The following NTN1 variants were observed in gnomAD, a reference collection of about 807,000 sequenced individuals.
NTN1 encodes the protein netrin-1.
In NTN1, 11 loss-of-function variants were observed where a neutral mutation model predicts 54.2. The ratio of observed to expected loss-of-function variants is 0.20; its 90% CI spans 0.13 to 0.34. NTN1 has a LOEUF of 0.34. NTN1 is among the 10% of genes least tolerant of loss of function. The pLI, the probability that NTN1 is intolerant of heterozygous loss-of-function variation, is 1.00. For missense variants in NTN1, 740 were observed against 893.1 expected (o/e 0.83, Z 2.18); for synonymous variants, 371 against 382.0 (o/e 0.97, Z 0.33).
intron 2 of NTN1, among the ~76,000 whole-genome samples, chr17:9,114,879 T>C (rs2092205471): frequency 6.6e-6 from 1 of 152,256 alleles, no homozygotes; most frequent in African/African-American, 2.4e-5. Flanking sequence ...CTGCAGAGTT[T>C]ATGAAACTGC....
intron 5 of NTN1, among the ~76,000 whole-genome samples, chr17:9,204,928 A>ATTTT (rs148063994): frequency 2.7e-5 from 4 of 145,524 alleles, no homozygotes; most frequent in Non-Finnish European, 1.5e-5. Flanking sequence ...GTCAACCCTC[A>ATTTT]TTTTTTTTTT....
intron 5 of NTN1, among the ~76,000 whole-genome samples, chr17:9,201,443 G>C (rs1904782871): frequency 6.6e-6 from 1 of 152,224 alleles, no homozygotes; most frequent in African/African-American, 2.4e-5. Flanking sequence ...TCCAAGGGAA[G>C]AGGAACATGA....
At chr17:9,210,688 C>G (rs146833500) in intron 5 of NTN1, among the ~76,000 whole-genome samples, 10 of 152,052 alleles carry the variant, frequency 6.6e-5, no homozygotes, top group African/African-American at 2.4e-4. Context: ...AAGCGGATCA[C>G]CTGAGCTCAG....
intron 2 of NTN1, among the ~76,000 whole-genome samples, chr17:9,136,993 C>T (rs1028859273): frequency 1.1e-4 from 16 of 152,172 alleles, no homozygotes; most frequent in African/African-American, 3.9e-4. Flanking sequence ...GAAGTTGACT[C>T]CTCTCTCAGG....
At chr17:9,153,946 G>A (rs1344912830) in intron 2 of NTN1, among the ~76,000 whole-genome samples, 1 of 152,198 alleles carries the variant, frequency 6.6e-6, no homozygotes, top group African/African-American at 2.4e-5. Context: ...ATATCTAGGA[G>A]ACTGTTTGTC....
At chr17:9,022,165 G>A (rs1466229089) in intron 1 of NTN1, 146 bp from the exon 2 acceptor site, 3 of 503,912 alleles carry the variant, frequency 6.0e-6, no homozygotes, top group Admixed American at 4.5e-5. Flanking sequence ...CGCCGCCCGC[G>A]GGACTTTGGG....
At chr17:9,031,882 A>G (rs1429332309) in intron 2 of NTN1, among the ~76,000 whole-genome samples, 3 of 152,038 alleles carry the variant, frequency 2.0e-5, no homozygotes, top group Non-Finnish European at 4.4e-5. Context: ...AATCTCTTGA[A>G]CCCGGGAGGC....
At chr17:9,114,760 AT>A (rs2092205190) in intron 2 of NTN1, among the ~76,000 whole-genome samples, 1 of 152,248 alleles carries the variant, frequency 6.6e-6, no homozygotes, top group Non-Finnish European at 1.5e-5. Context: ...TCTCAAAAAA[AT>A]AATAACCATA....
intron 6 of NTN1, among the ~76,000 whole-genome samples, chr17:9,224,810 G>A (rs1905479468): frequency 6.7e-6 from 1 of 149,736 alleles, no homozygotes; most frequent in Non-Finnish European, 1.5e-5. Context: ...GGGGTGGGGG[G>A]GCACAGTGGG....
chr17:9,124,713 G>A (rs1425402417), intron 2 of NTN1, among the ~76,000 whole-genome samples: 1 of 152,176 alleles, frequency 6.6e-6, no homozygotes, highest in Non-Finnish European at 1.5e-5. Context: ...GAGGTAAAAG[G>A]AACTCGTTTT....
chr17:9,239,571 CAGG>C lies in NTN1; in HGVS notation c.1487-68_1487-66del, dbSNP rs1240605924. 1 of 1,500,044 alleles carries C rather than the reference CAGG, an allele frequency of 6.7e-7. No individual in the cohort carries two copies. Among genetic ancestry groups the C allele is most frequent in the Non-Finnish European group, 9.1e-7 (1 of 1,093,742 alleles). 92.9% of individuals were successfully genotyped at this position (1,500,044 alleles called of 1,614,324 possible). On this transcript the variant is annotated intron_variant, in intron 6 of 6. Transcript: ENST00000173229. This position sits in a 1 kb window ranked among gnomAD's most constrained non-coding sequence, Gnocchi z 5.2. ...GGCTGGGTCTCCTTTCCCTTCTCCC[CAGG>C]CTCAGGCAGGGCGGACCTAGCCACA...
chr17:9,107,850 A>G (rs2092172918), intron 2 of NTN1, among the ~76,000 whole-genome samples: 1 of 152,252 alleles, frequency 6.6e-6, no homozygotes, highest in South Asian at 2.1e-4. Flanking sequence ...GGTCCTTTGC[A>G]GAAAAGAGTT....
chr17:9,195,224 A>G (rs1169051137), intron 5 of NTN1, among the ~76,000 whole-genome samples: 1 of 96,432 alleles, frequency 1.0e-5, no homozygotes, highest in Admixed American at 1.3e-4. Flanking sequence ...CTGGGCCTCC[A>G]TCACCCCAAG....
At chr17:9,177,252 C>G (rs1453127810) in intron 3 of NTN1, 1 of 152,268 alleles carries the variant, frequency 6.6e-6, no homozygotes, top group African/African-American at 2.4e-5. Context: ...CTGCCATTAC[C>G]GGGGACGGCC....
At chr17:9,125,112 A>G (rs2092242506) in intron 2 of NTN1, among the ~76,000 whole-genome samples, 1 of 152,054 alleles carries the variant, frequency 6.6e-6, no homozygotes, top group East Asian at 1.9e-4. Flanking sequence ...CCCAGGCTGG[A>G]GTGCAGTGGC....
chr17:9,138,358 C>T (rs2092287405), intron 2 of NTN1, among the ~76,000 whole-genome samples: 1 of 152,146 alleles, frequency 6.6e-6, no homozygotes, highest in African/African-American at 2.4e-5. Context: ...GGCCAGATCA[C>T]GTGTCTGCGA....
chr17:9,028,521 A>G (rs1379678706), intron 2 of NTN1, among the ~76,000 whole-genome samples: 2 of 152,170 alleles, frequency 1.3e-5, no homozygotes, highest in Non-Finnish European at 2.9e-5. Flanking sequence ...AGCCCTGCCC[A>G]GTTTTCTCTC....
rs557944946 is a variant in NTN1, at chr17:9,186,987, T to A, written c.1411+4018T>A. 3.3e-5 allele frequency among the ~76,000 whole-genome samples: 5 copies of A among 152,236 alleles called. No homozygotes were observed. The East Asian group carries it at 9.7e-4, about 29-fold the overall frequency. ...GGGCACCTGAGGGCTACTTGATCCCTCTCTCGGATTCTTCATTTGTGAAAT... is the reference window on the plus strand; with the variant it reads ...GGGCACCTGAGGGCTACTTGATCCCACTCTCGGATTCTTCATTTGTGAAAT... On this transcript the variant is annotated intron_variant, in intron 5 of 6. Transcript: ENST00000173229.
In NTN1 at chr17:9,219,358, G is replaced by A. The variant is rs1018577664; in HGVS notation, c.1412-1810G>A. 6.6e-6 allele frequency among the ~76,000 whole-genome samples: 1 copy of A among 152,212 alleles called. No homozygotes were observed. The highest frequency in any genetic ancestry group is 1.5e-5 in the Non-Finnish European group (1 of 68,034). ...CTATCCAGATGGCAGGAGGGATGGG[G>A]ACTGTGGCCACCAGTGCCATGGAGC... On this transcript the variant is annotated intron_variant, in intron 5 of 6. Coordinates refer to ENST00000173229, the MANE Select transcript of NTN1 (RefSeq NM_004822.3). This position sits in a 1 kb window ranked among gnomAD's most constrained non-coding sequence, Gnocchi z 4.5.
Sources: gnomAD v4.1 joint callset for allele counts (sites outside exome capture counted in the v4.1 genomes callset) on GRCh38, gnomAD v4.1.1 for gene constraint, Gnocchi (gnomAD v3.1) non-coding constraint, MANE v1.5 for transcripts, NCBI Gene and HGNC (gene_info 2026-07-23, HGNC 2026-07-21) for gene names.